Variants in TPSG1 observed in about 807,000 individuals in gnomAD.
TPSG1 encodes tryptase gamma.
A neutral mutation model predicts 23.8 loss-of-function variants in TPSG1; 43 were observed. The observed-to-expected ratio is 1.81, with a 90% CI of 1.42 to 2.33. The LOEUF is 2.33. Ranked by LOEUF, TPSG1 falls within the 30% of genes most tolerant of loss-of-function variation. TPSG1 has a pLI of 0.00. For missense variants in TPSG1, 623 were observed against 438.6 expected, an observed-to-expected ratio of 1.42 and a Z score of -3.75; for synonymous variants, 302 against 201.3, an observed-to-expected ratio of 1.50 and a Z score of -4.23.
intron 4 of TPSG1, 50 bp downstream of exon 4, chr16:1,222,602 C>G: frequency 6.6e-7 from 1 of 1,516,588 alleles, no homozygotes; most frequent in Non-Finnish European, 8.8e-7. Flanking sequence ...AGCTCTCTTC[C>G]TGCCGCCCTT....
rs1353686327 is a variant in TPSG1 at position 1,222,880 on chromosome 16, C to A, written c.283G>T (p.Glu95Ter). Residue 95 changes from glutamate to a stop codon, truncating the protein, a stop_gained, in exon 4 of 6, where the codon GAA becomes TAA. Transcript: ENST00000234798. LOFTEE classifies it high-confidence loss of function. ...TGGGGAGACAGAGTGATCTCCAGTT[C>A]CCCCAGGTGCACCTGGTAGTCGGAT... ...NSSDYQVHLG[E>*]LEITLSPHFS... is the part of the protein sequence containing the mutation. 1.9e-6 allele frequency: 3 copies of A among 1,608,228 alleles called. No individual in the cohort carries two copies. The South Asian group carries it at 3.3e-5, about 18-fold the overall frequency.
rs776236213 is a variant in TPSG1 at position 1,221,800 on chromosome 16, G to C, written c.954C>G (p.Pro318=). ...LHPSADGTPF[P]APD Reference sequence around the variant, plus strand: ...TGGATTCCTGCCATCAGTCAGGGGCGGGGAAGGGAGTACCATCCGCAGATG... The same window carrying C: ...TGGATTCCTGCCATCAGTCAGGGGCCGGGAAGGGAGTACCATCCGCAGATG... The change falls in exon 6 of 6, where the codon CCC becomes CCG. Residue 318 remains proline (P), a synonymous_variant. Coordinates refer to ENST00000234798, the MANE Select transcript of TPSG1 (RefSeq NM_012467.4). 25 of 1,604,612 alleles carry C rather than the reference G, an allele frequency of 1.6e-5. No individual in the cohort carries two copies. The highest frequency in any genetic ancestry group is 1.9e-5 in the Non-Finnish European group (22 of 1,174,576).
Position 1,221,653 on chromosome 16 carries a change from T to G in TPSG1, c.*135A>C. On this transcript the variant is annotated 3_prime_UTR_variant, in exon 6 of 6. Coordinates refer to ENST00000234798, the MANE Select transcript of TPSG1 (RefSeq NM_012467.4). ...GCCGCGAGATTCCCATTGACACCTT[T>G]GTTTCGTGTGCTTTTAAATTCAGGT... The G allele has an allele frequency of 1.0e-6, 1 of 991,548 alleles. No individual in the cohort carries two copies. The highest frequency in any genetic ancestry group is 1.4e-6 in the Non-Finnish European group (1 of 689,706). 61.4% of individuals were successfully genotyped at this position (991,548 alleles called of 1,614,324 possible).
At chr16:1,224,506 C>G in intron 2 of TPSG1, 96 bp downstream of exon 2, 2 of 1,529,026 alleles carry the variant, frequency 1.3e-6, no homozygotes, top group Admixed American at 1.8e-5. Context: ...TCCCCGGGCC[C>G]CCATTGGGAC....
Position 1,221,924 on chromosome 16 carries a change from G to T in TPSG1, c.830C>A (p.Ser277Tyr), listed in dbSNP as rs757169690. 2.5e-6 allele frequency: 4 copies of T among 1,611,690 alleles called. No individual in the cohort carries two copies. In the South Asian group the frequency reaches 4.4e-5, roughly 18 times the overall value. ...CAGGAGGGGGAGCCTGGGGTACCCA[G>T]ACTCTGAGCCCCCTGATGCTGTGAT... The part of the protein sequence containing the change: ...RHITASGGSE[S>Y]GYPRLPLLAG... Residue 277 changes from serine (S) to tyrosine (Y), a missense_variant, in exon 6 of 6, where the codon TCT (serine) becomes TAT (tyrosine). Transcript: ENST00000234798.
intron 3 of TPSG1, among the ~76,000 whole-genome samples, 186 bp downstream of exon 3, chr16:1,223,237 G>A (rs895272716): frequency 1.3e-5 from 2 of 152,244 alleles, no homozygotes; most frequent in Admixed American, 6.5e-5. Context: ...CATCCCTAGA[G>A]GTGAGCAAAG....
intron 3 of TPSG1, among the ~76,000 whole-genome samples, 185 bp downstream of exon 3, chr16:1,223,238 G>T (rs1354242413): frequency 1.3e-5 from 2 of 152,220 alleles, no homozygotes. Context: ...ATCCCTAGAG[G>T]TGAGCAAAGA....
chr16:1,223,011 A>C (rs751731756), intron 3 of TPSG1, 94 bp from the exon 4 acceptor site: 86 of 1,402,922 alleles, frequency 6.1e-5, no homozygotes, highest in Admixed American at 9.9e-5. Context: ...AGGCATCCGA[A>C]GCCCAGCTCT....
chr16:1,222,142 C>T (rs767113698), intron 5 of TPSG1, 46 bp from the exon 6 acceptor site: 31 of 1,611,678 alleles, frequency 1.9e-5, no homozygotes, highest in Admixed American at 3.3e-5. Flanking sequence ...AGATGGGGAG[C>T]CCCTCCCTGG....
In TPSG1 at chr16:1,222,206, TCCCCGGGGCCCCGGGCA is replaced by T; in HGVS notation, c.630_646del (p.Cys210Ter). The T allele has an allele frequency of 1.2e-6, 2 of 1,611,390 alleles. No homozygotes were observed. Among genetic ancestry groups the T allele is most frequent in the Admixed American group, 3.3e-5 (2 of 59,972 alleles). ...GCCTGGCAGGCTCACCTGGCAGGCA[TCCCCGGGGCCCCGGGCA>T]CACAGCATGTCGGGCTGAAGGATGC... On this transcript the variant is annotated stop_gained and frameshift_variant, in exon 5 of 6. Transcript: ENST00000234798. LOFTEE classifies it low-confidence loss of function (END_TRUNC).
In TPSG1 at chr16:1,223,504, A is replaced by C. The variant is rs766515923; in HGVS notation, c.164T>G (p.Leu55Arg). ...GCACACGTGCACCCTCCGCAGGCGG[A>C]GGCTGGCCTGCCATGGCCATGCGCC... ...PAGAWPWQASLRLRRVHVCGG... is the reference protein window; with the variant it reads ...PAGAWPWQASRRLRRVHVCGG... Residue 55 changes from leucine to arginine, a missense_variant, in exon 3 of 6, where the codon CTC becomes CGC. Coordinates refer to ENST00000234798, the MANE Select transcript of TPSG1 (RefSeq NM_012467.4). The C allele has an allele frequency of 6.4e-7, 1 of 1,568,688 alleles. No homozygotes were observed. The highest frequency in any genetic ancestry group is 8.6e-7 in the Non-Finnish European group (1 of 1,159,644).
intron 4 of TPSG1, 86 bp downstream of exon 4, chr16:1,222,566 G>A: frequency 6.7e-7 from 1 of 1,486,344 alleles, no homozygotes; most frequent in Non-Finnish European, 9.0e-7. Flanking sequence ...CCAGGAGCAG[G>A]TGGTAGCATC....
At chr16:1,224,497 C>G (rs2030040837) in intron 2 of TPSG1, 105 bp downstream of exon 2, 2 of 1,476,702 alleles carry the variant, frequency 1.4e-6, no homozygotes, top group African/African-American at 1.4e-5. Flanking sequence ...ACTATGACCT[C>G]CCCGGGCCCC....
rs545511865 is a variant in TPSG1 at position 1,222,441 on chromosome 16, C to G, written c.512-100G>C. Reference sequence around the variant, plus strand: ...AGACACAAGTCCCATGCCACCACGACCCTCGTCACGGCACGTGGGTTGTGA... The same window carrying G: ...AGACACAAGTCCCATGCCACCACGAGCCTCGTCACGGCACGTGGGTTGTGA... On this transcript the variant is annotated intron_variant, in intron 4 of 5. Coordinates refer to ENST00000234798, the MANE Select transcript of TPSG1 (RefSeq NM_012467.4). The G allele has an allele frequency of 1.9e-4, 244 of 1,276,794 alleles. 1 individual carries two copies. In the Admixed American group the frequency reaches 5.2e-3, roughly 27 times the overall value. The allele number at this position is 1,276,794 out of a possible 1,614,324, so 79.1% of individuals were successfully genotyped here.
rs752577172 is a variant in TPSG1, at chr16:1,222,600, T to C, written c.511+52A>G. 7.3e-6 allele frequency: 11 copies of C among 1,515,156 alleles called. 1 individual carries two copies. Among genetic ancestry groups the C allele is most frequent in the Middle Eastern group, 2.4e-4 (1 of 4,104 alleles). The allele number at this position is 1,515,156 out of a possible 1,614,324, so 93.9% of individuals were successfully genotyped here. A position where few individuals can be genotyped will look rare whatever the true frequency, so the allele number is the denominator to read the frequency against. ...TCAGCATCCCTCAAGCCAGCTCTCT[T>C]CCTGCCGCCCTTGCCTTCCTCCATC... On this transcript the variant is annotated intron_variant, in intron 4 of 5. Transcript: ENST00000234798.
chr16:1,222,275 C>G lies in TPSG1; in HGVS notation c.578G>C (p.Arg193Pro). Residue 193 changes from arginine to proline, a missense_variant, in exon 5 of 6, where the codon CGC becomes CCC. Arg to Pro is a moderately radical substitution (Grantham distance 103, BLOSUM62 -2). Transcript: ENST00000234798. Reference protein sequence around the residue: ...KVSVVDTETCRRDYPGPGGSI... With the variant: ...KVSVVDTETCPRDYPGPGGSI... ...GCCCCCGGGGCCGGGATAGTCCCGGCGGCAGGTCTCTGTGTCCACCACGGA... is the reference window on the plus strand; with the variant it reads ...GCCCCCGGGGCCGGGATAGTCCCGGGGGCAGGTCTCTGTGTCCACCACGGA... The G allele has an allele frequency of 6.2e-7, 1 of 1,611,660 alleles. No individual in the cohort carries two copies. Among genetic ancestry groups the G allele is most frequent in the Admixed American group, 1.7e-5 (1 of 59,976 alleles).
rs1231006014 is a variant in TPSG1, at chr16:1,222,701, G to A, written c.462C>T (p.Cys154=). The change falls in exon 4 of 6, where the codon TGC becomes TGT. Residue 154 remains cysteine (C), a synonymous_variant. Coordinates refer to ENST00000234798, the MANE Select transcript of TPSG1 (RefSeq NM_012467.4). ...CGGTCACCCAGCACCGGATCCCAGG[G>A]CAGAAGTCATCTGAGGCCTCCGGGA... ...VCLPEASDDF[C]PGIRCWVTGW... is the part of the protein sequence containing the mutation. The A allele has an allele frequency of 3.1e-6, 5 of 1,602,528 alleles. No homozygotes were observed. The South Asian group carries it at 3.3e-5, about 11-fold the overall frequency.
chr16:1,224,764 A>C (rs2030056026), intron 1 of TPSG1, 136 bp from the exon 2 acceptor site: 8 of 1,072,266 alleles, frequency 7.5e-6, no homozygotes, highest in Non-Finnish European at 9.6e-6. Flanking sequence ...CGGCCTGGTG[A>C]GGCTGGGTCA....
Position 1,225,145 on chromosome 16 carries a change from A to G in TPSG1, c.46+62T>C, listed in dbSNP as rs1017426250. On this transcript the variant is annotated intron_variant, in intron 1 of 5. Coordinates refer to ENST00000234798, the MANE Select transcript of TPSG1 (RefSeq NM_012467.4). ...CAGACCAGCCCCCAGTTTCACCCCC[A>G]TCAGGGGTCCAGGCAGGAAGCAGAT... The G allele has an allele frequency of 1.5e-5, 23 of 1,528,362 alleles. No individual in the cohort carries two copies. The Admixed American group carries it at 2.4e-4, about 16-fold the overall frequency. The allele number at this position is 1,528,362 out of a possible 1,614,324, so 94.7% of individuals were successfully genotyped here.
Sources: gnomAD v4.1 joint callset for allele counts (sites outside exome capture counted in the v4.1 genomes callset) on GRCh38, gnomAD v4.1.1 for gene constraint, MANE v1.5 for transcripts, NCBI Gene and HGNC (gene_info 2026-07-23, HGNC 2026-07-21) for gene names.